SLC25A21: variants seen among roughly 807,000 people sequenced by gnomAD.
SLC25A21 encodes the protein mitochondrial 2-oxodicarboxylate carrier.
A neutral mutation model predicts 43.8 loss-of-function variants in SLC25A21; 47 were observed. That is an observed-to-expected ratio of 1.07 (90% CI 0.85 to 1.37). SLC25A21 has a LOEUF of 1.37. Ranked by LOEUF, SLC25A21 falls within the 40% of genes most tolerant of loss-of-function variation. The probability of loss-of-function intolerance (pLI) is 0.00; values close to 1 mark genes in which losing one functional copy is unlikely to be tolerated. For missense variants in SLC25A21, 352 were observed against 350.2 expected (o/e 1.00, Z -0.04); for synonymous variants, 131 against 121.3 (o/e 1.08, Z -0.52).
At chr14:36,786,111 C>A (rs761047947) in intron 3 of SLC25A21, among the ~76,000 whole-genome samples, 4 of 152,144 alleles carry the variant, frequency 2.6e-5, no homozygotes, top group Non-Finnish European at 5.9e-5. Flanking sequence ...GAATCAGAAA[C>A]GCCTGGATTT....
In SLC25A21 at chr14:36,684,780, C is replaced by G; in HGVS notation, c.749G>C (p.Cys250Ser). The change falls in exon 8 of 10, where the codon TGT becomes TCT. Residue 250 changes from cysteine to serine, a missense_variant. Transcript: ENST00000331299. ...ATAGACTGTTGCCATTGTTTTAAAACAGGTTCTGTACTTGATCTCTCCAGG... is the reference window on the plus strand; with the variant it reads ...ATAGACTGTTGCCATTGTTTTAAAAGAGGTTCTGTACTTGATCTCTCCAGG... ...PVPGEIKYRT[C>S]FKTMATVYQE... 5 of 1,610,038 alleles carry G rather than the reference C, an allele frequency of 3.1e-6. No homozygotes were observed. In the South Asian group the frequency reaches 4.4e-5, roughly 14 times the overall value.
chr14:37,040,777 C>T (rs1961455359), intron 1 of SLC25A21, among the ~76,000 whole-genome samples: 1 of 151,702 alleles, frequency 6.6e-6, no homozygotes, highest in Non-Finnish European at 1.5e-5. Flanking sequence ...AAGAAAGTGA[C>T]AGAGACAGGA....
intron 3 of SLC25A21, among the ~76,000 whole-genome samples, chr14:36,764,196 A>AAGAAAG (rs1594566340): frequency 7.3e-6 from 1 of 137,668 alleles, no homozygotes; most frequent in Non-Finnish European, 1.6e-5. Flanking sequence ...AAGAAAGAGA[A>AAGAAAG]AGAAAGAAAC....
chr14:37,147,552 G>A (rs956173611), intron 1 of SLC25A21, among the ~76,000 whole-genome samples: 1 of 151,712 alleles, frequency 6.6e-6, no homozygotes, highest in Non-Finnish European at 1.5e-5. Context: ...CAGAAGGACA[G>A]AGGACCCTAT....
At chr14:36,896,469 A>G (rs1245988038) in intron 1 of SLC25A21, among the ~76,000 whole-genome samples, 1 of 152,204 alleles carries the variant, frequency 6.6e-6, no homozygotes, top group Non-Finnish European at 1.5e-5. Flanking sequence ...AATACAGCAT[A>G]CTGATGGGTC....
chr14:36,744,023 A>G (rs1885386783), intron 3 of SLC25A21, among the ~76,000 whole-genome samples: 1 of 152,026 alleles, frequency 6.6e-6, no homozygotes, highest in Admixed American at 6.6e-5. Context: ...CAAAAGATTG[A>G]GAAAAGAATC....
At position 36,825,868 on chromosome 14, in the gene SLC25A21, A is replaced by G. The variant is rs536208593; in HGVS notation, c.120-11867T>C. On this transcript the variant is annotated intron_variant, in intron 2 of 9. Transcript: ENST00000331299. The stretch of plus-strand genomic sequence containing the variant: ...TAAATTTCCGCTGGGGTGAATTGTC[A>G]TATCTAATGAAACTCCCCTCATTCT... 2.0e-5 allele frequency among the ~76,000 whole-genome samples: 3 copies of G among 152,348 alleles called. No individual in the cohort carries two copies. The East Asian group carries it at 5.8e-4, about 29-fold the overall frequency.
chr14:36,998,269 T>C (rs2138721399), intron 1 of SLC25A21, among the ~76,000 whole-genome samples: 1 of 152,340 alleles, frequency 6.6e-6, no homozygotes, highest in Middle Eastern at 3.4e-3. Context: ...ACTTATTTGA[T>C]CAGAGAACAC....
chr14:37,162,637 A>G (rs1282608995), intron 1 of SLC25A21, among the ~76,000 whole-genome samples: 3 of 152,192 alleles, frequency 2.0e-5, no homozygotes, highest in Non-Finnish European at 4.4e-5. Context: ...GAAGTCAGGA[A>G]ACAACAGGTG....
intron 1 of SLC25A21, among the ~76,000 whole-genome samples, chr14:37,068,329 G>C (rs1292113737): frequency 6.6e-6 from 1 of 152,184 alleles, no homozygotes; most frequent in Non-Finnish European, 1.5e-5. Context: ...CAGGTTCTCT[G>C]TCTATAAAAT....
chr14:37,013,311 T>G (rs1285089132), intron 1 of SLC25A21, among the ~76,000 whole-genome samples: 1 of 152,140 alleles, frequency 6.6e-6, no homozygotes, highest in African/African-American at 2.4e-5. Context: ...AGTGTCCTAG[T>G]CGACATTTCC....
intron 1 of SLC25A21, among the ~76,000 whole-genome samples, chr14:37,105,635 C>G (rs150364181): frequency 3.9e-5 from 6 of 152,062 alleles, no homozygotes; most frequent in Non-Finnish European, 7.4e-5. Flanking sequence ...AAGGTGAAAG[C>G]AGATATCCTG....
chr14:36,874,999 C>T lies in SLC25A21; in HGVS notation c.76G>A (p.Val26Ile). 6.3e-7 allele frequency: 1 copy of T among 1,589,476 alleles called. No homozygotes were observed. The highest frequency in any genetic ancestry group is 1.4e-5 in the African/African-American group (1 of 69,692). The stretch of plus-strand genomic sequence containing the variant: ...AGGGGGTGCATCAGGCAAATTTCTA[C>T]AAGACCTGAAAGATGATAAAGAAAA... ...QIVAGGSAGLVEICLMHPLDV... is the reference protein window; with the variant it reads ...QIVAGGSAGLIEICLMHPLDV... Residue 26 changes from valine to isoleucine, a missense_variant, in exon 2 of 10, where the codon GTA (valine) becomes ATA (isoleucine). Physicochemically the swap from Val to Ile is conservative, Grantham distance 29 (BLOSUM62 3). Coordinates refer to ENST00000331299, the MANE Select transcript of SLC25A21 (RefSeq NM_030631.4).
intron 1 of SLC25A21, among the ~76,000 whole-genome samples, chr14:36,901,242 A>C (rs1402326545): frequency 6.6e-6 from 1 of 152,186 alleles, no homozygotes; most frequent in Non-Finnish European, 1.5e-5. Flanking sequence ...TTTTCCCCAG[A>C]AAATGTTGTG....
chr14:36,749,140 A>G (rs1016482555), intron 3 of SLC25A21, among the ~76,000 whole-genome samples: 3 of 152,070 alleles, frequency 2.0e-5, no homozygotes, highest in African/African-American at 7.2e-5. Flanking sequence ...TGTTTTCTGT[A>G]TGTCACTTTC....
intron 1 of SLC25A21, among the ~76,000 whole-genome samples, chr14:36,972,322 A>G (rs1286328381): frequency 6.6e-6 from 1 of 152,230 alleles, no homozygotes; most frequent in Non-Finnish European, 1.5e-5. Flanking sequence ...TATTCCCATC[A>G]TTAAGCGATT....
At chr14:36,935,915 G>A (rs1207401421) in intron 1 of SLC25A21, among the ~76,000 whole-genome samples, 1 of 152,108 alleles carries the variant, frequency 6.6e-6, no homozygotes, top group African/African-American at 2.4e-5. Context: ...GGAACCTTAT[G>A]GAGTCCTGCA....
At chr14:37,158,158 A>G (rs61988264) in intron 1 of SLC25A21, among the ~76,000 whole-genome samples, 59,942 of 151,936 alleles carry the variant, frequency 0.39, 12,716 homozygotes, top group African/African-American at 0.56. Flanking sequence ...AAACATACAA[A>G]GAAAAACTAA....
intron 3 of SLC25A21, among the ~76,000 whole-genome samples, chr14:36,770,532 A>G (rs1484534291): frequency 6.6e-6 from 1 of 152,180 alleles, no homozygotes; most frequent in Non-Finnish European, 1.5e-5. Flanking sequence ...AAAAGTTGAA[A>G]TTATAAAAGA....
Sources: gnomAD v4.1 joint callset for allele counts (sites outside exome capture counted in the v4.1 genomes callset) on GRCh38, gnomAD v4.1.1 for gene constraint, MANE v1.5 for transcripts, NCBI Gene and HGNC (gene_info 2026-07-23, HGNC 2026-07-21) for gene names.